Variants in TP73 observed in about 807,000 individuals in gnomAD.
TP73 encodes the protein tumor protein p73.
In TP73, 25 loss-of-function variants were observed where a neutral mutation model predicts 62.5. The observed-to-expected ratio is 0.40, with a 90% CI of 0.29 to 0.56. TP73 has a LOEUF of 0.56. Among genes scored for constraint, TP73 ranks in the 20% least tolerant of loss-of-function variants. The probability of loss-of-function intolerance (pLI) is 0.46; values close to 1 mark genes in which losing one functional copy is unlikely to be tolerated. For missense variants in TP73, 754 were observed against 913.3 expected, an observed-to-expected ratio of 0.83 and a Z score of 2.25; for synonymous variants, 423 against 377.5, an observed-to-expected ratio of 1.12 and a Z score of -1.40.
chr1:3,661,748 T>TTA (rs1295397716), intron 1 of TP73, among the ~76,000 whole-genome samples: 4 of 146,584 alleles, frequency 2.7e-5, no homozygotes, highest in African/African-American at 5.0e-5. Flanking sequence ...ATAATATGTA[T>TTA]TACATATATA....
At chr1:3,716,204 T>A (rs910575355) in intron 4 of TP73, among the ~76,000 whole-genome samples, 1 of 152,166 alleles carries the variant, frequency 6.6e-6, no homozygotes, top group Admixed American at 6.5e-5. Context: ...CTCTGGTTCA[T>A]CCTCCATAGA....
Position 3,666,158 on chromosome 1 carries a change from G to C in TP73, c.-34+13517G>C, listed in dbSNP as rs1645109655. Among the ~76,000 whole-genome samples, 1 of 145,052 alleles carries C rather than the reference G, an allele frequency of 6.9e-6. No individual in the cohort carries two copies. Among genetic ancestry groups the C allele is most frequent in the Non-Finnish European group, 1.5e-5 (1 of 66,564 alleles). ...AAAAAAAAAAAAAAAAAAAGAGAGA[G>C]AGAGAGAGAGAATCTCACTCTGCAG... On this transcript the variant is annotated intron_variant, in intron 1 of 13. Coordinates refer to ENST00000378295, the MANE Select transcript of TP73 (RefSeq NM_005427.4). This position sits in a 1 kb window ranked among gnomAD's most constrained non-coding sequence, Gnocchi z 6.4.
At chr1:3,715,421 G>C (rs1014854604) in intron 4 of TP73, among the ~76,000 whole-genome samples, 58 of 152,210 alleles carry the variant, frequency 3.8e-4, no homozygotes, top group Admixed American at 3.3e-3. Flanking sequence ...CAGGACCCAA[G>C]TCAAGCCCAG....
intron 1 of TP73, among the ~76,000 whole-genome samples, chr1:3,671,028 C>T (rs1354150079): frequency 2.0e-5 from 3 of 152,162 alleles, no homozygotes; most frequent in Admixed American, 6.5e-5. Context: ...TGGGGGTGCG[C>T]GGGCCCTGAG....
At chr1:3,690,718 T>C in intron 3 of TP73, 7 of 1,431,228 alleles carry the variant, frequency 4.9e-6, no homozygotes, top group Non-Finnish European at 6.4e-6. Context: ...AAAGCGAAAA[T>C]GCCAACAAAC....
chr1:3,682,128 T>G (rs1010467181), intron 1 of TP73, among the ~76,000 whole-genome samples: 2 of 152,182 alleles, frequency 1.3e-5, no homozygotes, highest in Non-Finnish European at 2.9e-5. Flanking sequence ...AAGGCAGAGC[T>G]GCCCACCTGG....
chr1:3,656,002 C>G lies in TP73; in HGVS notation c.-34+3361C>G, dbSNP rs533547879. 5.9e-5 allele frequency among the ~76,000 whole-genome samples: 9 copies of G among 152,182 alleles called. No homozygotes were observed. In the South Asian group the frequency reaches 1.9e-3, roughly 32 times the overall value. ...ACCATCCTGGCTAACACGGTGAAAC[C>G]CCGTCTCTACTAAAAATACAAAAAA... is the stretch of plus-strand genomic sequence containing the variant. On this transcript the variant is annotated intron_variant, in intron 1 of 13. Transcript: ENST00000378295.
chr1:3,707,425 G>C, intron 3 of TP73, 124 bp from the exon 4 acceptor site: 1 of 1,366,740 alleles, frequency 7.3e-7, no homozygotes, highest in Middle Eastern at 1.9e-4. Flanking sequence ...AGAGACCCGG[G>C]GAAATATTTG....
intron 11 of TP73, 39 bp from the exon 12 acceptor site, chr1:3,730,888 G>A: frequency 6.4e-7 from 1 of 1,554,120 alleles, no homozygotes; most frequent in Non-Finnish European, 8.7e-7. Context: ...TGGATGCCCA[G>A]CCTGGCTGCC....
chr1:3,717,226 AG>A (rs1165855289), intron 4 of TP73, among the ~76,000 whole-genome samples: 7 of 152,172 alleles, frequency 4.6e-5, no homozygotes, highest in African/African-American at 1.7e-4. Flanking sequence ...GGAAATTAGC[AG>A]CCCCCCGCTG....
intron 4 of TP73, chr1:3,708,582 G>A (rs945793038): frequency 3.9e-5 from 6 of 152,312 alleles, no homozygotes; most frequent in African/African-American, 1.4e-4. Flanking sequence ...CATAGTAAGT[G>A]GGGGCAGCCA....
intron 3 of TP73, among the ~76,000 whole-genome samples, chr1:3,695,014 C>T (rs979575603): frequency 2.0e-5 from 3 of 152,268 alleles, no homozygotes; most frequent in African/African-American, 7.2e-5. Context: ...TCTTCACTTG[C>T]TTCCCACACT....
At chr1:3,664,563 T>C (rs875233) in intron 1 of TP73, among the ~76,000 whole-genome samples, 43,255 of 152,092 alleles carry the variant, frequency 0.28, 6,593 homozygotes, top group African/African-American at 0.37. Context: ...TCTCCACCAG[T>C]CCGAATACAT....
Position 3,682,425 on chromosome 1 carries a change from C to A in TP73, c.60C>A (p.Ser20Arg). The A allele has an allele frequency of 1.3e-6, 2 of 1,543,324 alleles. No homozygotes were observed. The highest frequency in any genetic ancestry group is 3.7e-5 in the Admixed American group (2 of 53,438). ...GCACCACGTTTGAGCACCTCTGGAG[C>A]TCTCTGTGAGTGCGCTTGGCTGGCC... Reference protein sequence around the residue: ...DGGTTFEHLWSSLEPDSTYFD... With the variant: ...DGGTTFEHLWRSLEPDSTYFD... Residue 20 changes from serine to arginine, a missense_variant, in exon 2 of 14, where the codon AGC (serine) becomes AGA (arginine). This residue lies in a region of TP73 where 235 missense variants were observed against 251.4 expected (regional missense o/e 0.93). Coordinates refer to ENST00000378295, the MANE Select transcript of TP73 (RefSeq NM_005427.4).
At position 3,729,358 on chromosome 1, in the gene TP73, T is replaced by C; in HGVS notation, c.1106T>C (p.Met369Thr). 1.9e-6 allele frequency: 3 copies of C among 1,613,234 alleles called. No homozygotes were observed. The highest frequency in any genetic ancestry group is 2.2e-5 in the East Asian group (1 of 44,874). The part of the protein sequence containing the change: ...VRGRENFEIL[M>T]KLKESLELME... ...GGCCGGGAGAACTTTGAGATCCTGA[T>C]GAAGCTGAAAGAGAGCCTGGAGCTG... Residue 369 changes from methionine to threonine, a missense_variant, in exon 10 of 14, where the codon ATG becomes ACG. This residue lies in a region of TP73 where 458 missense variants were observed against 528.7 expected (regional missense o/e 0.87). Transcript: ENST00000378295.
At chr1:3,655,878 T>TA (rs1381446740) in intron 1 of TP73, among the ~76,000 whole-genome samples, 1 of 152,214 alleles carries the variant, frequency 6.6e-6, no homozygotes, top group Non-Finnish European at 1.5e-5. Flanking sequence ...TATTTTATTC[T>TA]AAAAATTCCC....
rs114483348 is a variant in TP73 at position 3,730,708 on chromosome 1, C to A, written c.1346-219C>A. ...TGCCCTTACAACCCAGTGCCCCGTA[C>A]GCACGGTCACCCCCGTCCCTACTAG... On this transcript the variant is annotated intron_variant, in intron 11 of 13. Transcript: ENST00000378295. Among the ~76,000 whole-genome samples, 6 of 152,164 alleles carry A rather than the reference C, an allele frequency of 3.9e-5. 1 individual carries two copies. Among genetic ancestry groups the A allele is most frequent in the Admixed American group, 3.3e-4 (5 of 15,280 alleles).
At chr1:3,692,013 G>T in intron 3 of TP73, among the ~76,000 whole-genome samples, 1 of 152,210 alleles carries the variant, frequency 6.6e-6, no homozygotes, top group African/African-American at 2.4e-5. Context: ...GCGTGGATGT[G>T]CATGCAATAC....
At chr1:3,722,344 G>A in intron 5 of TP73, 137 bp downstream of exon 5, 1 of 1,049,032 alleles carries the variant, frequency 9.5e-7, no homozygotes, top group South Asian at 1.6e-5. Context: ...GGCTTTCAGT[G>A]CCTCCACCAG....
Sources: gnomAD v4.1 joint callset for allele counts (sites outside exome capture counted in the v4.1 genomes callset) on GRCh38, gnomAD v4.1.1 for gene constraint, gnomAD v4.1.1 regional missense constraint, Gnocchi (gnomAD v3.1) non-coding constraint, MANE v1.5 for transcripts, NCBI Gene and HGNC (gene_info 2026-07-23, HGNC 2026-07-21) for gene names.